Variants in HEMK2 observed in about 807,000 individuals in gnomAD.
HEMK2 encodes methyltransferase HEMK2.
the HEMK2 span, among the ~76,000 whole-genome samples, chr21:28,811,400 AGAAGGAAG>A: frequency 0.33 from 43,027 of 129,308 alleles, 7,278 homozygotes; most frequent in East Asian, 0.56. Context: ...GGAGAAACAG[AGAAGGAAG>A]GAAGGAAGGA....
chr21:28,606,697 C>G, the HEMK2 span, among the ~76,000 whole-genome samples: 2 of 152,218 alleles, frequency 1.3e-5, no homozygotes, highest in African/African-American at 4.8e-5. Context: ...AGCAACGTCT[C>G]AATGTGCCAA....
chr21:28,602,294 A>G, the HEMK2 span, among the ~76,000 whole-genome samples: 6 of 152,208 alleles, frequency 3.9e-5, no homozygotes, highest in Non-Finnish European at 8.8e-5. Context: ...AGTCATAAAA[A>G]TGGTTATTAA....
At chr21:28,828,140 G>T in the HEMK2 span, among the ~76,000 whole-genome samples, 1 of 150,544 alleles carries the variant, frequency 6.6e-6, no homozygotes, top group African/African-American at 2.5e-5. Flanking sequence ...ATCTATTTTT[G>T]AAAGAGTATT....
chr21:28,652,597 G>A, the HEMK2 span, among the ~76,000 whole-genome samples: 1 of 152,038 alleles, frequency 6.6e-6, no homozygotes. Context: ...CAGAAATATA[G>A]AAATAAACTA....
the HEMK2 span, among the ~76,000 whole-genome samples, chr21:28,851,632 C>G: frequency 1.3e-5 from 2 of 152,188 alleles, no homozygotes; most frequent in Non-Finnish European, 2.9e-5. Context: ...GATTTATTTT[C>G]CATCCTCTGG....
At chr21:28,847,567 GTTGT>G in the HEMK2 span, among the ~76,000 whole-genome samples, 17 of 152,216 alleles carry the variant, frequency 1.1e-4, 1 homozygote, top group African/African-American at 3.1e-4. Flanking sequence ...TATTCAGTAG[GTTGT>G]TTGTTTACTC....
At chr21:28,740,983 T>C in the HEMK2 span, among the ~76,000 whole-genome samples, 1 of 152,220 alleles carries the variant, frequency 6.6e-6, no homozygotes, top group Non-Finnish European at 1.5e-5. Flanking sequence ...TTACCTCTAA[T>C]ACAATTACTA....
the HEMK2 span, among the ~76,000 whole-genome samples, chr21:28,806,795 T>C: frequency 6.6e-6 from 1 of 152,126 alleles, no homozygotes; most frequent in Non-Finnish European, 1.5e-5. Flanking sequence ...ATGCCTGGGT[T>C]CACCAAAAGC....
the HEMK2 span, among the ~76,000 whole-genome samples, chr21:28,593,505 T>C: frequency 6.6e-6 from 1 of 152,192 alleles, no homozygotes; most frequent in Non-Finnish European, 1.5e-5. Flanking sequence ...TGGTTTCTAA[T>C]ACTGTTCTTC....
the HEMK2 span, among the ~76,000 whole-genome samples, chr21:28,627,239 G>C: frequency 6.6e-6 from 1 of 152,284 alleles, no homozygotes; most frequent in African/African-American, 2.4e-5. Context: ...AGAGGCATGA[G>C]AGAAATTTCT....
At chr21:28,794,422 C>T in the HEMK2 span, among the ~76,000 whole-genome samples, 1 of 152,164 alleles carries the variant, frequency 6.6e-6, no homozygotes, top group Non-Finnish European at 1.5e-5. Context: ...GTTGGGACAG[C>T]ACAGTCAATT....
At chr21:28,849,438 C>G in the HEMK2 span, among the ~76,000 whole-genome samples, 1 of 152,156 alleles carries the variant, frequency 6.6e-6, no homozygotes, top group Non-Finnish European at 1.5e-5. Flanking sequence ...AGAACCAGAG[C>G]AAGAACTCAG....
At chr21:28,614,525 G>T in the HEMK2 span, among the ~76,000 whole-genome samples, 1 of 152,262 alleles carries the variant, frequency 6.6e-6, no homozygotes, top group Non-Finnish European at 1.5e-5. Flanking sequence ...ATCAAATAGT[G>T]TAAGCCAAAG....
At chr21:28,597,714 T>G in the HEMK2 span, among the ~76,000 whole-genome samples, 2 of 152,150 alleles carry the variant, frequency 1.3e-5, no homozygotes, top group African/African-American at 4.8e-5. Flanking sequence ...ACTTTTAGGA[T>G]GAGAGACCTG....
the HEMK2 span, among the ~76,000 whole-genome samples, chr21:28,602,198 T>A: frequency 1.3e-5 from 2 of 152,214 alleles, no homozygotes; most frequent in East Asian, 1.9e-4. Flanking sequence ...AACTTAAATA[T>A]ATGGACTGTG....
chr21:28,870,407 C>CTT, the HEMK2 span, among the ~76,000 whole-genome samples: 36 of 149,808 alleles, frequency 2.4e-4, no homozygotes, highest in South Asian at 6.4e-4. Flanking sequence ...AATGTCATTT[C>CTT]TTTTTTTTTT....
the HEMK2 span, among the ~76,000 whole-genome samples, chr21:28,582,690 T>C: frequency 1.3e-5 from 2 of 152,214 alleles, no homozygotes; most frequent in Admixed American, 1.3e-4. Context: ...GCTTTCTTCA[T>C]ACAAAATAAT....
At chr21:28,701,691 C>G in the HEMK2 span, among the ~76,000 whole-genome samples, 3 of 151,546 alleles carry the variant, frequency 2.0e-5, no homozygotes, top group Non-Finnish European at 4.4e-5. Context: ...GTGACATAAA[C>G]AAATGGAAAA....
At chr21:28,834,383 T>G in the HEMK2 span, among the ~76,000 whole-genome samples, 2 of 152,154 alleles carry the variant, frequency 1.3e-5, no homozygotes, top group Non-Finnish European at 2.9e-5. Context: ...GAACTCACAC[T>G]CCCACTGGAG....
Sources: allele counts gnomAD v4.1 joint callset (sites outside exome capture counted in the v4.1 genomes callset), GRCh38; gene constraint gnomAD v4.1.1; transcripts MANE v1.5; gene names NCBI Gene and HGNC (gene_info 2026-07-23, HGNC 2026-07-21).